Variants in MEF2A observed in about 807,000 individuals in gnomAD.
MEF2A encodes myocyte enhancer factor 2A.
MEF2A carries 28 observed loss-of-function variants against 55.8 expected under a neutral mutation model. The ratio of observed to expected loss-of-function variants is 0.50; its 90% confidence interval spans 0.37 to 0.69. The LOEUF (loss-of-function observed/expected upper bound fraction) is 0.69. MEF2A is among the 30% of genes least tolerant of loss of function. The pLI is 0.00. For missense variants in MEF2A, 528 were observed against 626.2 expected, an observed-to-expected ratio of 0.84 and a Z score of 1.67; for synonymous variants, 239 against 227.1, an observed-to-expected ratio of 1.05 and a Z score of -0.47.
At chr15:99,678,765 T>A in intron 7 of MEF2A, 1 of 822,282 alleles carries the variant, frequency 1.2e-6, no homozygotes, top group Non-Finnish European at 1.5e-6. Context: ...AAAGACTGAT[T>A]GATTTGCTTG....
Position 99,712,263 on chromosome 15 carries a change from T to C in MEF2A, c.1137-127T>C, listed in dbSNP as rs978180113. On this transcript the variant is annotated intron_variant, in intron 11 of 11. Coordinates refer to ENST00000557942, the MANE Select transcript of MEF2A (RefSeq NM_001319206.4). This position sits in a 1 kb window ranked among gnomAD's most constrained non-coding sequence, Gnocchi z 4.1. ...CACTGAAGGAAACGACCCAAACCAGTCTTGGGGAACTCTGATAAGATTTCA... is the reference window on the plus strand; with the variant it reads ...CACTGAAGGAAACGACCCAAACCAGCCTTGGGGAACTCTGATAAGATTTCA... 2.8e-6 allele frequency: 4 copies of C among 1,420,068 alleles called. No individual in the cohort carries two copies. The African/African-American group carries it at 5.8e-5, about 20-fold the overall frequency. The allele number at this position is 1,420,068 out of a possible 1,614,324, so 88.0% of individuals were successfully genotyped here.
In MEF2A at chr15:99,632,923, T is replaced by C; in HGVS notation, c.-142-55T>C. On this transcript the variant is annotated intron_variant, in intron 2 of 11. Coordinates refer to ENST00000557942, the MANE Select transcript of MEF2A (RefSeq NM_001319206.4). ...GCAAATTTGAAATTTGTATAACACTTACATGATTTGTAAACTTACAGATTT... is the reference window on the plus strand; with the variant it reads ...GCAAATTTGAAATTTGTATAACACTCACATGATTTGTAAACTTACAGATTT... The C allele has an allele frequency of 6.2e-6, 3 of 482,228 alleles. No individual in the cohort carries two copies. The South Asian group carries it at 9.9e-5, about 16-fold the overall frequency. 29.9% of individuals were successfully genotyped at this position (482,228 alleles called of 1,614,324 possible).
At chr15:99,606,711 TA>T (rs1176264095) in intron 2 of MEF2A, among the ~76,000 whole-genome samples, 1 of 152,222 alleles carries the variant, frequency 6.6e-6, no homozygotes, top group African/African-American at 2.4e-5. Context: ...GCTGAAATTT[TA>T]AAAAGGGATT....
chr15:99,598,754 T>G (rs1972053954), intron 2 of MEF2A, among the ~76,000 whole-genome samples: 1 of 152,172 alleles, frequency 6.6e-6, no homozygotes, highest in African/African-American at 2.4e-5. Context: ...TTTTCATCTT[T>G]CACACTTCTT....
intron 4 of MEF2A, among the ~76,000 whole-genome samples, chr15:99,651,054 G>A (rs2046768714): frequency 6.6e-6 from 1 of 152,258 alleles, no homozygotes; most frequent in East Asian, 1.9e-4. Context: ...AGCACAAACT[G>A]TAATTTTTTA....
intron 3 of MEF2A, among the ~76,000 whole-genome samples, chr15:99,641,452 G>A (rs920318281): frequency 2.6e-5 from 4 of 152,108 alleles, no homozygotes; most frequent in Admixed American, 6.5e-5. Flanking sequence ...GGCCGGGCGC[G>A]TTGGCTCACA....
intron 4 of MEF2A, among the ~76,000 whole-genome samples, chr15:99,649,458 A>C (rs1202009496): frequency 6.6e-6 from 1 of 152,316 alleles, no homozygotes; most frequent in Non-Finnish European, 1.5e-5. Context: ...GTGACATTCC[A>C]CAAAGAATGT....
chr15:99,632,476 G>C (rs1481982191), intron 2 of MEF2A, among the ~76,000 whole-genome samples: 1 of 152,164 alleles, frequency 6.6e-6, no homozygotes, highest in Non-Finnish European at 1.5e-5. Context: ...AGTTTTTAAG[G>C]ATATTCTGTG....
intron 10 of MEF2A, among the ~76,000 whole-genome samples, chr15:99,707,118 A>G (rs1003269966): frequency 6.6e-6 from 1 of 152,230 alleles, no homozygotes; most frequent in African/African-American, 2.4e-5. Context: ...CACGTGGATG[A>G]TAGCAAAATG....
intron 4 of MEF2A, among the ~76,000 whole-genome samples, chr15:99,668,818 G>C (rs2050309559): frequency 2.0e-5 from 3 of 152,206 alleles, no homozygotes; most frequent in Non-Finnish European, 4.4e-5. Flanking sequence ...TTCTACTGTT[G>C]TGCTATTTGG....
At position 99,714,190 on chromosome 15, in the gene MEF2A, G is replaced by T. The variant is rs2058933651; in HGVS notation, c.*1419G>T. 1 of 151,762 alleles carries T rather than the reference G, an allele frequency of 6.6e-6. No individual in the cohort carries two copies. Among genetic ancestry groups the T allele is most frequent in the Admixed American group, 6.6e-5 (1 of 15,226 alleles). 9.4% of individuals were successfully genotyped at this position (151,762 alleles called of 1,614,324 possible). A position where few individuals can be genotyped will look rare whatever the true frequency, so the allele number is the denominator to read the frequency against. ...AAATAGCAAAGTGGCAAAAAAAATT[G>T]GTGTTAAGTTCATCCTGCATAAGTA... On this transcript the variant is annotated 3_prime_UTR_variant, in exon 12 of 12. Transcript: ENST00000557942.
chr15:99,614,912 A>G (rs1473870433), intron 2 of MEF2A, among the ~76,000 whole-genome samples: 5 of 152,188 alleles, frequency 3.3e-5, no homozygotes, highest in Non-Finnish European at 5.9e-5. Flanking sequence ...GAGGAGTTCC[A>G]TGAGTAGAGG....
In MEF2A at chr15:99,675,458, G is replaced by C. The variant is rs763844927; in HGVS notation, c.670G>C (p.Gly224Arg). The change falls in exon 7 of 12, where the codon GGG becomes CGG. Residue 224 changes from glycine to arginine, a missense_variant and splice_region_variant. Transcript: ENST00000557942. ...VPNGAGSSPV[G>R]NGFVNSRASP... is the part of the protein sequence containing the mutation. The stretch of plus-strand genomic sequence containing the variant: ...AAATGGAGCTGGAAGCAGTCCAGTG[G>C]GTGAGTGAATTCCTACTCTTCTGTT... 2 of 1,613,058 alleles carry C rather than the reference G, an allele frequency of 1.2e-6. No homozygotes were observed. Among genetic ancestry groups the C allele is most frequent in the African/African-American group, 2.7e-5 (2 of 74,892 alleles).
intron 1 of MEF2A, among the ~76,000 whole-genome samples, chr15:99,591,696 G>A (rs1969345899): frequency 1.3e-5 from 2 of 151,820 alleles, no homozygotes; most frequent in Non-Finnish European, 2.9e-5. Context: ...ATCTGTTTTT[G>A]TTTTGTTTTG....
At chr15:99,568,391 A>G (rs1400939617) in intron 1 of MEF2A, among the ~76,000 whole-genome samples, 1 of 152,096 alleles carries the variant, frequency 6.6e-6, no homozygotes, top group African/African-American at 2.4e-5. Context: ...TCAAATGGTG[A>G]TGTTATGTTT....
At chr15:99,703,941 T>C (rs1224940312) in intron 9 of MEF2A, among the ~76,000 whole-genome samples, 3 of 152,220 alleles carry the variant, frequency 2.0e-5, no homozygotes, top group Non-Finnish European at 4.4e-5. Flanking sequence ...CAGAAGGCGC[T>C]CTTTTCTTAA....
intron 2 of MEF2A, among the ~76,000 whole-genome samples, chr15:99,624,210 G>T (rs1207299095): frequency 3.3e-5 from 5 of 151,732 alleles, no homozygotes; most frequent in Admixed American, 2.0e-4. Context: ...AGTTTTTTTT[G>T]TTGTTGTTGT....
Position 99,645,558 on chromosome 15 carries a change from T to C in MEF2A, c.55-3T>C, listed in dbSNP as rs2045833366. ...ATAAAAATATACCTTTTTTATTGTT[T>C]AGGTCACTTTTACAAAGAGAAAGTT... On this transcript the variant is annotated splice_region_variant and splice_polypyrimidine_tract_variant and intron_variant, in intron 3 of 11. Coordinates refer to ENST00000557942, the MANE Select transcript of MEF2A (RefSeq NM_001319206.4). The C allele has an allele frequency of 6.2e-7, 1 of 1,604,924 alleles. No homozygotes were observed. The highest frequency in any genetic ancestry group is 1.8e-4 in the Middle Eastern group (1 of 5,506).
intron 1 of MEF2A, among the ~76,000 whole-genome samples, chr15:99,584,591 T>C (rs912521917): frequency 2.0e-5 from 3 of 152,172 alleles, no homozygotes; most frequent in Non-Finnish European, 4.4e-5. Flanking sequence ...AGACCACATA[T>C]TGTGTAATTC....
Sources: allele counts gnomAD v4.1 joint callset (sites outside exome capture counted in the v4.1 genomes callset), GRCh38; gene constraint gnomAD v4.1.1; non-coding constraint Gnocchi (gnomAD v3.1); transcripts MANE v1.5; gene names NCBI Gene and HGNC (gene_info 2026-07-23, HGNC 2026-07-21).